FMN1: variants seen among roughly 807,000 people sequenced by gnomAD.
The protein encoded by FMN1 is formin 1.
A neutral mutation model predicts 132.4 loss-of-function variants in FMN1; 110 were observed. The observed-to-expected ratio is 0.83, with a 90% CI of 0.71 to 0.97. The LOEUF (loss-of-function observed/expected upper bound fraction) is 0.97. Ranked by LOEUF, FMN1 falls within the 50% of genes least tolerant of loss-of-function variation. The probability of loss-of-function intolerance (pLI) is 0.00; values close to 1 mark genes in which losing one functional copy is unlikely to be tolerated. For synonymous variants in FMN1, 722 were observed against 651.7 expected (o/e 1.11, Z -1.64); for missense variants, 1,792 against 1,705.3 (o/e 1.05, Z -0.90).
intron 9 of FMN1, among the ~76,000 whole-genome samples, chr15:32,958,218 A>C (rs553077383): frequency 1.3e-5 from 2 of 152,330 alleles, no homozygotes; most frequent in East Asian, 3.9e-4. Context: ...GATATGCAGA[A>C]GTGTGGCTAT....
intron 6 of FMN1, chr15:33,012,867 G>C: frequency 1.7e-6 from 1 of 596,200 alleles, no homozygotes; most frequent in South Asian, 1.4e-5. Context: ...GTAATGATGG[G>C]AGCAACACTG....
intron 4 of FMN1, among the ~76,000 whole-genome samples, chr15:33,115,381 G>T (rs180966923): frequency 1.3e-5 from 2 of 152,174 alleles, no homozygotes; most frequent in Admixed American, 1.3e-4. Context: ...GTAAGAAGAT[G>T]GCATATTTTC....
intron 6 of FMN1, among the ~76,000 whole-genome samples, chr15:33,048,784 C>CTTTAT (rs2036834475): frequency 1.3e-5 from 2 of 151,992 alleles, no homozygotes; most frequent in Admixed American, 1.3e-4. Context: ...GAAACTTCCA[C>CTTTAT]TTATAAAACC....
At chr15:32,998,036 C>G (rs1033189065) in intron 7 of FMN1, among the ~76,000 whole-genome samples, 8 of 152,162 alleles carry the variant, frequency 5.3e-5, no homozygotes, top group Non-Finnish European at 8.8e-5. Context: ...TCCAGGCAAT[C>G]AACATAAGTA....
chr15:32,964,387 T>G lies in FMN1; in HGVS notation c.2988-130A>C, dbSNP rs927361733. On this transcript the variant is annotated intron_variant, in intron 8 of 20. Transcript: ENST00000616417. Reference sequence around the variant, plus strand: ...AAACACATAAAACTCTAATAATGCTTGGAGAAAAGCTTTTTATGTTACGCA... The same window carrying G: ...AAACACATAAAACTCTAATAATGCTGGGAGAAAAGCTTTTTATGTTACGCA... The G allele has an allele frequency of 6.0e-6, 4 of 662,566 alleles. No individual in the cohort carries two copies. The African/African-American group carries it at 7.2e-5, about 12-fold the overall frequency. The allele number at this position is 662,566 out of a possible 1,614,324, so 41.0% of individuals were successfully genotyped here. A position where few individuals can be genotyped will look rare whatever the true frequency, so the allele number is the denominator to read the frequency against.
intron 3 of FMN1, among the ~76,000 whole-genome samples, chr15:33,165,265 C>T: frequency 6.6e-6 from 1 of 152,130 alleles, no homozygotes; most frequent in South Asian, 2.1e-4. Flanking sequence ...GTGGAGTTTG[C>T]TTTTATGAGA....
At chr15:32,989,886 T>C (rs564018079) in intron 7 of FMN1, among the ~76,000 whole-genome samples, 2 of 152,008 alleles carry the variant, frequency 1.3e-5, no homozygotes, top group Admixed American at 6.6e-5. Flanking sequence ...AGACTTTTAG[T>C]TTTAGGAGAA....
intron 10 of FMN1, among the ~76,000 whole-genome samples, chr15:32,921,679 CT>C (rs11421047): frequency 0.016 from 2,318 of 140,688 alleles, 57 homozygotes; most frequent in African/African-American, 0.056. Flanking sequence ...TCTTTTTTTT[CT>C]TTTTTTTTTT....
intron 15 of FMN1, among the ~76,000 whole-genome samples, chr15:32,894,487 TAA>T (rs374906354): frequency 0.025 from 3,308 of 130,208 alleles, 61 homozygotes; most frequent in East Asian, 0.12. Context: ...CCATCTCAAT[TAA>T]AAAAAAAAAA....
Position 32,969,146 on chromosome 15 carries a change from G to A in FMN1, c.2555C>T (p.Ala852Val), listed in dbSNP as rs1433469695. 4 of 1,613,806 alleles carry A rather than the reference G, an allele frequency of 2.5e-6. No individual in the cohort carries two copies. Among genetic ancestry groups the A allele is most frequent in the East Asian group, 2.2e-5 (1 of 44,890 alleles). Residue 852 changes from alanine to valine, a missense_variant, in exon 8 of 21, where the codon GCA (alanine) becomes GTA (valine). Physicochemically the swap from Ala to Val is moderately conservative, Grantham distance 64. Transcript: ENST00000616417. ...CATGCCCTCCATTGGCTGGAGTGCTGCATGGATGTCTTTGTGGTCATTTGG... is the reference window on the plus strand; with the variant it reads ...CATGCCCTCCATTGGCTGGAGTGCTACATGGATGTCTTTGTGGTCATTTGG... ...SPPNDHKDIH[A>V]ALQPMEGMAS...
intron 7 of FMN1, among the ~76,000 whole-genome samples, chr15:32,985,707 G>T (rs2033022632): frequency 6.7e-6 from 1 of 150,190 alleles, no homozygotes; most frequent in African/African-American, 2.5e-5. Context: ...GCACTCTTAA[G>T]TCCAAATTGA....
chr15:33,194,338 A>G (rs1039976795), intron 1 of FMN1, among the ~76,000 whole-genome samples: 1 of 135,638 alleles, frequency 7.4e-6, no homozygotes, highest in Non-Finnish European at 1.5e-5. Context: ...CAACGACAGG[A>G]GTTCTGTAGT....
rs1452937466 is a variant in FMN1, at chr15:33,153,245, C to A, written c.1670G>T (p.Arg557Ile). The change falls in exon 4 of 21, where the codon AGA becomes ATA. Residue 557 changes from arginine (R) to isoleucine (I), a missense_variant. Coordinates refer to ENST00000616417, the MANE Select transcript of FMN1 (RefSeq NM_001277313.2). The part of the protein sequence containing the change: ...REAALNDSPC[R>I]KSRVFSGCVS... ...GCACCCAGAGAAGACACGGCTCTTT[C>A]TACAAGGAGAGTCATTAAGAGCAGC... The A allele has an allele frequency of 1.3e-6, 2 of 1,536,022 alleles. No individual in the cohort carries two copies. Among genetic ancestry groups the A allele is most frequent in the Non-Finnish European group, 1.7e-6 (2 of 1,146,938 alleles).
chr15:33,015,116 A>G (rs779631962), intron 6 of FMN1, among the ~76,000 whole-genome samples: 1 of 152,192 alleles, frequency 6.6e-6, no homozygotes, highest in Non-Finnish European at 1.5e-5. Flanking sequence ...TTCAGACCCA[A>G]AGAACGTGTG....
At chr15:32,899,095 T>C (rs1392027611) in intron 14 of FMN1, among the ~76,000 whole-genome samples, 3 of 152,134 alleles carry the variant, frequency 2.0e-5, no homozygotes, top group African/African-American at 7.2e-5. Flanking sequence ...TGTACTATCC[T>C]TTGTGGGGAA....
Position 33,154,685 on chromosome 15 carries a change from T to C in FMN1, c.230A>G (p.Gln77Arg), listed in dbSNP as rs1410055276. The C allele has an allele frequency of 1.4e-5, 21 of 1,536,004 alleles. No homozygotes were observed. The highest frequency in any genetic ancestry group is 1.8e-5 in the Non-Finnish European group (21 of 1,146,908). ...AGTTAGAATGTCTTTCGTGGGAGTC[T>C]GCTTGAAAAATATGTCGCCTGGATG... ...DEHPGDIFFK[Q>R]TPTKDILTEL... The change falls in exon 4 of 21, where the codon CAG becomes CGG. Residue 77 changes from glutamine (Q) to arginine (R), a missense_variant. Physicochemically the swap from Gln to Arg is conservative, Grantham distance 43 (BLOSUM62 1). Transcript: ENST00000616417.
At chr15:33,160,903 C>T (rs1421513797) in intron 3 of FMN1, among the ~76,000 whole-genome samples, 4 of 152,214 alleles carry the variant, frequency 2.6e-5, no homozygotes, top group African/African-American at 9.7e-5. Flanking sequence ...TTACCTCACT[C>T]TACCCCAAAT....
intron 18 of FMN1, among the ~76,000 whole-genome samples, chr15:32,801,663 T>C (rs1466028260): frequency 6.6e-6 from 1 of 151,936 alleles, no homozygotes; most frequent in Non-Finnish European, 1.5e-5. Context: ...GGCGTGGTGG[T>C]AGGCACCTGC....
At position 32,926,303 on chromosome 15, in the gene FMN1, AC is replaced by A. The variant is rs1567405981; in HGVS notation, c.3139-43del. On this transcript the variant is annotated intron_variant, in intron 9 of 20. Coordinates refer to ENST00000616417, the MANE Select transcript of FMN1 (RefSeq NM_001277313.2). ...AAAAAAAAGAATACAAGCTCAAATG[AC>A]CATGCAGTCTTTCAGGACGCACACC... 4 of 1,152,150 alleles carry A rather than the reference AC, an allele frequency of 3.5e-6. No individual in the cohort carries two copies. In the African/African-American group the frequency reaches 4.7e-5, roughly 14 times the overall value. The allele number at this position is 1,152,150 out of a possible 1,614,324, so 71.4% of individuals were successfully genotyped here.
Sources: gnomAD v4.1 joint callset for allele counts (sites outside exome capture counted in the v4.1 genomes callset) on GRCh38, gnomAD v4.1.1 for gene constraint, MANE v1.5 for transcripts, NCBI Gene and HGNC (gene_info 2026-07-23, HGNC 2026-07-21) for gene names.